AVEN: variants seen among roughly 807,000 people sequenced by gnomAD.
The protein encoded by AVEN is apoptosis and caspase activation inhibitor, also known as cell death regulator Aven.
Under a neutral mutation model 38.1 loss-of-function variants are expected in AVEN, and 41 were observed. The observed-to-expected ratio is 1.08, with a 90% CI of 0.84 to 1.40. The LOEUF is 1.40. AVEN is among the 40% of genes most tolerant of loss of function. AVEN has a pLI of 0.00. For synonymous variants in AVEN, 206 were observed against 171.8 expected (o/e 1.20, Z -1.56); for missense variants, 605 against 438.8 (o/e 1.38, Z -3.38).
intron 2 of AVEN, among the ~76,000 whole-genome samples, chr15:33,892,601 C>T (rs1404841144): frequency 1.3e-5 from 2 of 152,154 alleles, no homozygotes; most frequent in Admixed American, 6.5e-5. Flanking sequence ...TGTTTTGGTA[C>T]CAGCACCATG....
intron 2 of AVEN, among the ~76,000 whole-genome samples, chr15:33,958,106 A>C (rs1252767336): frequency 6.6e-6 from 1 of 152,260 alleles, no homozygotes; most frequent in Admixed American, 6.5e-5. Flanking sequence ...AGGTGTACAT[A>C]AATTGTCAAA....
upstream of AVEN, among the ~76,000 whole-genome samples, chr15:34,041,701 T>C (rs1899481848): frequency 6.6e-6 from 1 of 152,218 alleles, no homozygotes; most frequent in Non-Finnish European, 1.5e-5. Context: ...CTGATACTAT[T>C]CTAAGCACTT....
chr15:33,875,531 G>C (rs1032445518), intron 3 of AVEN, among the ~76,000 whole-genome samples: 3 of 152,112 alleles, frequency 2.0e-5, no homozygotes, highest in African/African-American at 7.2e-5. Context: ...AAAGCTGCAA[G>C]GTTAAGGGTT....
intron 2 of AVEN, among the ~76,000 whole-genome samples, chr15:33,901,433 C>T (rs1189269618): frequency 6.6e-6 from 1 of 152,212 alleles, no homozygotes; most frequent in Non-Finnish European, 1.5e-5. Context: ...ACATTGTCTC[C>T]ATATCTTCGC....
chr15:33,899,936 G>GTTT (rs61609189), intron 2 of AVEN, among the ~76,000 whole-genome samples: 1 of 145,294 alleles, frequency 6.9e-6, no homozygotes, highest in Admixed American at 6.9e-5. Context: ...TCACAGTTCA[G>GTTT]TTTTTTTTTT....
At chr15:33,900,627 C>CAA (rs34818160) in intron 2 of AVEN, among the ~76,000 whole-genome samples, 121 of 148,388 alleles carry the variant, frequency 8.2e-4, no homozygotes, top group Admixed American at 8.7e-4. Context: ...TTTTTAAATA[C>CAA]AAAAAAAAAA....
chr15:34,008,980 C>CCATGGAGAAAACACTGAAA (rs1295062450), intron 1 of AVEN, among the ~76,000 whole-genome samples: 2 of 129,066 alleles, frequency 1.5e-5, no homozygotes, highest in Non-Finnish European at 3.2e-5. Context: ...ACACACAGAC[C>CCATGGAGAAAACACTGAAA]ATCGAGAAAA....
intron 4 of AVEN, chr15:34,064,105 T>C: frequency 6.2e-7 from 1 of 1,614,226 alleles, no homozygotes; most frequent in Non-Finnish European, 8.5e-7. Flanking sequence ...ATCATGGTCC[T>C]GGTTTCTACC....
downstream of AVEN, chr15:33,855,737 A>G (rs1397411977): frequency 3.3e-5 from 5 of 152,218 alleles, no homozygotes; most frequent in Non-Finnish European, 1.5e-5. Flanking sequence ...GTGTATATAC[A>G]TTATATAGTT....
chr15:33,988,006 G>C (rs1896552002), intron 2 of AVEN, among the ~76,000 whole-genome samples: 1 of 152,172 alleles, frequency 6.6e-6, no homozygotes, highest in African/African-American at 2.4e-5. Context: ...ACTTCCATAG[G>C]CCAAAAGACT....
chr15:34,037,542 T>G (rs1308906483), intron 1 of AVEN, among the ~76,000 whole-genome samples: 2 of 149,068 alleles, frequency 1.3e-5, no homozygotes, highest in African/African-American at 4.9e-5. Context: ...AATTCTACAT[T>G]ACATATATAT....
chr15:33,861,121 C>T (rs1338844078), intron 11 of AVEN: 2 of 1,597,954 alleles, frequency 1.3e-6, no homozygotes, highest in East Asian at 2.2e-5. Flanking sequence ...TACTTTGACA[C>T]AACCCCTCAT....
rs148853185 is a variant in AVEN, at chr15:33,943,902, T to C, written c.445+59130A>G. On this transcript the variant is annotated intron_variant, in intron 2 of 5. Coordinates refer to ENST00000306730, the MANE Select transcript of AVEN (RefSeq NM_020371.3). Reference sequence around the variant, plus strand: ...TTCTTTAATCACAATTTATTTTATATACTTCTTTATTTTTAGAAACAGGGT... The same window carrying C: ...TTCTTTAATCACAATTTATTTTATACACTTCTTTATTTTTAGAAACAGGGT... Among the ~76,000 whole-genome samples, 20 of 151,448 alleles carry C rather than the reference T, an allele frequency of 1.3e-4. 1 individual carries two copies. In the East Asian group the frequency reaches 3.7e-3, roughly 28 times the overall value.
At chr15:33,911,432 T>C (rs1408581724) in intron 2 of AVEN, among the ~76,000 whole-genome samples, 2 of 152,238 alleles carry the variant, frequency 1.3e-5, no homozygotes, top group African/African-American at 4.8e-5. Flanking sequence ...AAGGATAAAA[T>C]ACTTTACATA....
In AVEN at chr15:33,936,651, T is replaced by C. The variant is rs756142298; in HGVS notation, c.446-60656A>G. Among the ~76,000 whole-genome samples the C allele has an allele frequency of 5.3e-5, 8 of 152,280 alleles. 1 individual carries two copies. The South Asian group carries it at 8.3e-4, about 16-fold the overall frequency. ...TTTGTGTGTGTCTGTGGTGTGTGCA[T>C]GAGTGATTTAATCAACTTCTCCTAA... On this transcript the variant is annotated intron_variant, in intron 2 of 5. Transcript: ENST00000306730.
downstream of AVEN, chr15:33,854,577 C>G: frequency 6.7e-6 from 7 of 1,049,200 alleles, no homozygotes; most frequent in Non-Finnish European, 9.7e-6. Flanking sequence ...CTTATACGTG[C>G]TGGGGGAACA....
At chr15:34,058,555 AACACACACAC>A (rs3027963) in intron 5 of AVEN, among the ~76,000 whole-genome samples, 14 of 143,286 alleles carry the variant, frequency 9.8e-5, no homozygotes, top group South Asian at 9.3e-4. Flanking sequence ...CTTTAATTCT[AACACACACAC>A]ACACACACAC....
At chr15:33,855,708 C>CA (rs1323175239), downstream of AVEN, among the ~76,000 whole-genome samples, 2 of 151,948 alleles carry the variant, frequency 1.3e-5, no homozygotes, top group African/African-American at 4.8e-5. Context: ...TTGTTATACA[C>CA]ATAGTACACA....
chr15:34,066,759 G>A (rs1250866097), exon 3 of AVEN: 1 of 151,488 alleles, frequency 6.6e-6, no homozygotes, highest in Non-Finnish European at 1.5e-5. Flanking sequence ...AGGTTGCAGT[G>A]AGCTATGATC....
Sources: gnomAD v4.1 joint callset for allele counts (sites outside exome capture counted in the v4.1 genomes callset) on GRCh38, gnomAD v4.1.1 for gene constraint, MANE v1.5 for transcripts, NCBI Gene and HGNC (gene_info 2026-07-23, HGNC 2026-07-21) for gene names.